Variants in CHRNB3 observed in about 807,000 individuals in gnomAD.
CHRNB3 encodes the protein cholinergic receptor nicotinic beta 3 subunit, also known as neuronal acetylcholine receptor subunit beta-3.
A neutral mutation model predicts 40.6 loss-of-function variants in CHRNB3; 37 were observed. The ratio of observed to expected loss-of-function variants is 0.91; its 90% CI spans 0.70 to 1.20. The LOEUF (loss-of-function observed/expected upper bound fraction) is 1.20. Ranked by LOEUF, CHRNB3 falls within the 50% of genes most tolerant of loss-of-function variation. The pLI, the probability that CHRNB3 is intolerant of heterozygous loss-of-function variation, is 0.00. For synonymous variants in CHRNB3, 207 were observed against 207.1 expected, an observed-to-expected ratio of 1.00 and a Z score of 0.00; for missense variants, 505 against 551.2, an observed-to-expected ratio of 0.92 and a Z score of 0.84.
chr8:42,736,382 A>C, intron 5 of CHRNB3, 102 bp from the exon 6 acceptor site: 1 of 1,405,344 alleles, frequency 7.1e-7, no homozygotes. Flanking sequence ...AAACTTAAGT[A>C]AATGCTATAA....
At chr8:42,725,749 G>A (rs1816298019) in intron 3 of CHRNB3, 31 of 919,732 alleles carry the variant, frequency 3.4e-5, no homozygotes, top group Middle Eastern at 3.2e-4. Context: ...GGTCTTATTC[G>A]TGACCTTGAC....
chr8:42,726,179 A>T (rs1242591872), intron 3 of CHRNB3: 8 of 1,263,664 alleles, frequency 6.3e-6, no homozygotes. Flanking sequence ...CCTCATTTTC[A>T]GGAGATTTTC....
At chr8:42,698,861 A>T (rs930105079) in intron 1 of CHRNB3, among the ~76,000 whole-genome samples, 3 of 152,212 alleles carry the variant, frequency 2.0e-5, no homozygotes, top group Non-Finnish European at 4.4e-5. Flanking sequence ...GAGGGTGTTT[A>T]GCATAAACTC....
At position 42,710,410 on chromosome 8, in the gene CHRNB3, G is replaced by A. The variant is rs759488366; in HGVS notation, c.225G>A (p.Met75Ile). ...LVDVDEKNQL[M>I]TTNVWLKQEW... is the part of the protein sequence containing the mutation. ...CTTAGGATGAAAAGAATCAGCTGAT[G>A]ACAACCAATGTGTGGCTCAAACAGG... The change falls in exon 3 of 6, where the codon ATG (methionine) becomes ATA (isoleucine). Residue 75 changes from methionine to isoleucine, a missense_variant. By Grantham distance (10) the Met-to-Ile change is conservative. Coordinates refer to ENST00000289957, the MANE Select transcript of CHRNB3 (RefSeq NM_000749.5). 13 of 1,610,740 alleles carry A rather than the reference G, an allele frequency of 8.1e-6. No homozygotes were observed. The highest frequency in any genetic ancestry group is 1.1e-5 in the Non-Finnish European group (13 of 1,178,168).
intron 3 of CHRNB3, among the ~76,000 whole-genome samples, chr8:42,718,322 A>T (rs2128906903): frequency 6.6e-6 from 1 of 152,276 alleles, no homozygotes; most frequent in South Asian, 2.1e-4. Context: ...TCAAGACAAC[A>T]GCAAAGGATA....
chr8:42,710,122 C>T (rs1339191078), intron 2 of CHRNB3, among the ~76,000 whole-genome samples: 2 of 152,156 alleles, frequency 1.3e-5, no homozygotes, highest in African/African-American at 4.8e-5. Context: ...ACTTTTAACA[C>T]CTCAAAGGTA....
Position 42,703,435 on chromosome 8 carries a change from A to AAAAAAAAATATATATATATATAT in CHRNB3, c.53-5281_53-5280insAAAAAAATATATATATATATATA. 3.7e-3 allele frequency among the ~76,000 whole-genome samples: 174 copies of AAAAAAAAATATATATATATATAT among 47,290 alleles called. 21 individuals carry two copies. The highest frequency in any genetic ancestry group is 0.01 in the Middle Eastern group (1 of 96). 31.0% of individuals were successfully genotyped at this position (47,290 alleles called of 152,430 possible). A position where few individuals can be genotyped will look rare whatever the true frequency, so the allele number is the denominator to read the frequency against. ...CAAGACTTCGTCTAAAAAAAAAAAA[A>AAAAAAAAATATATATATATATAT]ATATTTATATATATATATATATATA... On this transcript the variant is annotated intron_variant, in intron 1 of 5. Transcript: ENST00000289957.
At chr8:42,727,910 G>A (rs913687668) in intron 3 of CHRNB3, among the ~76,000 whole-genome samples, 15 of 152,046 alleles carry the variant, frequency 9.9e-5, no homozygotes, top group Non-Finnish European at 1.9e-4. Context: ...GAAAGCATAC[G>A]AGAAAATCTT....
chr8:42,722,124 A>G (rs1433337796), intron 3 of CHRNB3, among the ~76,000 whole-genome samples: 1 of 152,108 alleles, frequency 6.6e-6, no homozygotes, highest in African/African-American at 2.4e-5. Context: ...CTGTAATCCT[A>G]GCACTTTGGG....
intron 1 of CHRNB3, among the ~76,000 whole-genome samples, chr8:42,708,498 A>ACAC (rs59049088): frequency 2.7e-4 from 19 of 70,002 alleles, no homozygotes; most frequent in African/African-American, 6.1e-4. Context: ...CACACACACA[A>ACAC]ACAAAATGTG....
intron 3 of CHRNB3, among the ~76,000 whole-genome samples, chr8:42,725,385 C>T (rs1323126269): frequency 5.3e-5 from 8 of 152,142 alleles, no homozygotes; most frequent in Admixed American, 6.5e-5. Context: ...CCACCGCACC[C>T]GGCCAGCTAC....
intron 3 of CHRNB3, among the ~76,000 whole-genome samples, chr8:42,711,907 T>G (rs1367465078): frequency 2.6e-5 from 4 of 152,160 alleles, no homozygotes; most frequent in Non-Finnish European, 5.9e-5. Context: ...CCCATCTTTG[T>G]GTCCATGGGT....
intron 3 of CHRNB3, among the ~76,000 whole-genome samples, chr8:42,727,198 C>T (rs530647477): frequency 6.6e-6 from 1 of 151,842 alleles, no homozygotes; most frequent in Non-Finnish European, 1.5e-5. Flanking sequence ...CATAGTGAAA[C>T]CCTGTCTCTA....
intron 1 of CHRNB3, among the ~76,000 whole-genome samples, chr8:42,707,575 C>T (rs908477639): frequency 6.6e-6 from 1 of 152,110 alleles, no homozygotes; most frequent in Non-Finnish European, 1.5e-5. Context: ...GTAGGGGCTT[C>T]CTTGTTTTAA....
intron 5 of CHRNB3, among the ~76,000 whole-genome samples, chr8:42,733,321 G>A (rs1193635292): frequency 1.3e-5 from 2 of 152,016 alleles, no homozygotes; most frequent in Non-Finnish European, 2.9e-5. Context: ...AGATAAAAGA[G>A]AAGGAGAAAG....
intron 3 of CHRNB3, among the ~76,000 whole-genome samples, chr8:42,717,202 T>C (rs1370016385): frequency 7.4e-6 from 1 of 134,448 alleles, no homozygotes; most frequent in African/African-American, 2.9e-5. Context: ...TGAAACCCCG[T>C]CTCTACTAAA....
Position 42,736,533 on chromosome 8 carries a change from T to C in CHRNB3, c.1292T>C (p.Leu431Pro), listed in dbSNP as rs750130462. The change falls in exon 6 of 6, where the codon CTG becomes CCG. Residue 431 changes from leucine to proline, a missense_variant. Coordinates refer to ENST00000289957, the MANE Select transcript of CHRNB3 (RefSeq NM_000749.5). ...FVAQVLDRIF[L>P]WLFLIVSVTG... ...GCTCAAGTTCTTGACCGAATCTTCC[T>C]GTGGCTCTTTCTGATAGTGTCAGTA... 4.3e-6 allele frequency: 7 copies of C among 1,614,226 alleles called. No individual in the cohort carries two copies. The highest frequency in any genetic ancestry group is 5.1e-6 in the Non-Finnish European group (6 of 1,180,040).
At chr8:42,721,143 T>C (rs939946475) in intron 3 of CHRNB3, among the ~76,000 whole-genome samples, 2 of 152,252 alleles carry the variant, frequency 1.3e-5, no homozygotes, top group African/African-American at 4.8e-5. Flanking sequence ...TGCAGCTGCA[T>C]AGCCACCCAG....
intron 5 of CHRNB3, 62 bp from the exon 6 acceptor site, chr8:42,736,422 G>T (rs377138122): frequency 4.3e-5 from 68 of 1,574,854 alleles, no homozygotes; most frequent in South Asian, 4.2e-4. Flanking sequence ...TTAATCCCTT[G>T]AGATGAATAC....
Sources: gnomAD v4.1 joint callset for allele counts (sites outside exome capture counted in the v4.1 genomes callset) on GRCh38, gnomAD v4.1.1 for gene constraint, MANE v1.5 for transcripts, NCBI Gene and HGNC (gene_info 2026-07-23, HGNC 2026-07-21) for gene names.